RAPGEF4: variants seen among roughly 807,000 people sequenced by gnomAD.
The protein encoded by RAPGEF4 is Rap guanine nucleotide exchange factor 4.
RAPGEF4 carries 66 observed loss-of-function variants against 147.9 expected under a neutral mutation model. The observed-to-expected ratio is 0.45, with a 90% CI of 0.37 to 0.55. The LOEUF is 0.55. RAPGEF4 is among the 20% of genes least tolerant of loss of function. The pLI is 0.00. For synonymous variants in RAPGEF4, 419 were observed against 442.7 expected, an observed-to-expected ratio of 0.95 and a Z score of 0.67; for missense variants, 1,071 against 1,257.3, an observed-to-expected ratio of 0.85 and a Z score of 2.24.
At chr2:172,971,988 G>A (rs1326820506) in intron 10 of RAPGEF4, among the ~76,000 whole-genome samples, 2 of 150,324 alleles carry the variant, frequency 1.3e-5, no homozygotes, top group Non-Finnish European at 1.5e-5. Context: ...ATATGGAAAC[G>A]TGAGATATAT....
intron 6 of RAPGEF4, among the ~76,000 whole-genome samples, chr2:172,957,051 G>A (rs1688818024): frequency 6.6e-6 from 1 of 152,188 alleles, no homozygotes; most frequent in Non-Finnish European, 1.5e-5. Context: ...TAGACCTGGA[G>A]TCTACTCTAA....
chr2:173,020,761 C>T, intron 23 of RAPGEF4, 46 bp downstream of exon 23: 1 of 1,490,000 alleles, frequency 6.7e-7, no homozygotes, highest in Non-Finnish European at 9.2e-7. Flanking sequence ...ATCAGAAAAA[C>T]TTGTCTGGAG....
In RAPGEF4 at chr2:172,998,704, C is replaced by T. The variant is rs1022160739; in HGVS notation, c.1579+2150C>T. 7.2e-5 allele frequency among the ~76,000 whole-genome samples: 11 copies of T among 152,322 alleles called. No individual in the cohort carries two copies. The East Asian group carries it at 1.3e-3, about 19-fold the overall frequency. On this transcript the variant is annotated intron_variant, in intron 16 of 30. Transcript: ENST00000397081. The stretch of plus-strand genomic sequence containing the variant: ...AGAACCGGTTATGTGAGGATAGCTA[C>T]CAAGAGCCATATGTAACCTCAAATA...
At chr2:172,946,443 G>T (rs901381802) in intron 6 of RAPGEF4, among the ~76,000 whole-genome samples, 1 of 152,148 alleles carries the variant, frequency 6.6e-6, no homozygotes, top group Non-Finnish European at 1.5e-5. Context: ...CTGATTCTCT[G>T]TATCTATTCT....
chr2:172,932,593 A>G (rs900807935), intron 6 of RAPGEF4, among the ~76,000 whole-genome samples: 2 of 152,200 alleles, frequency 1.3e-5, no homozygotes, highest in African/African-American at 4.8e-5. Flanking sequence ...AATTTATTCT[A>G]CTGTAACATA....
chr2:172,799,126 C>A (rs1394695597), intron 3 of RAPGEF4, among the ~76,000 whole-genome samples: 1 of 152,132 alleles, frequency 6.6e-6, no homozygotes, highest in East Asian at 1.9e-4. Context: ...CCTATATAAT[C>A]AAGATATTTA....
chr2:172,789,051 C>T (rs932081952), intron 1 of RAPGEF4, among the ~76,000 whole-genome samples: 4 of 152,212 alleles, frequency 2.6e-5, no homozygotes, highest in African/African-American at 9.6e-5. Flanking sequence ...CAGTCAGTAA[C>T]TGCCCACATT....
intron 3 of RAPGEF4, among the ~76,000 whole-genome samples, chr2:172,800,116 T>C (rs549170100): frequency 6.6e-6 from 1 of 152,192 alleles, no homozygotes; most frequent in South Asian, 2.1e-4. Context: ...CTTTTAGTTG[T>C]TAGGAATGAG....
chr2:172,745,225 T>C (rs948996328), intron 1 of RAPGEF4, among the ~76,000 whole-genome samples: 29 of 152,140 alleles, frequency 1.9e-4, no homozygotes, highest in Non-Finnish European at 2.8e-4. Context: ...GCCAGGAGTT[T>C]TCTATATGAA....
intron 4 of RAPGEF4, among the ~76,000 whole-genome samples, chr2:172,852,140 C>T (rs1575040633): frequency 1.3e-5 from 2 of 152,108 alleles, no homozygotes; most frequent in Non-Finnish European, 1.5e-5. Context: ...TATATGAAAG[C>T]AGTAACTCTG....
chr2:172,775,590 G>C (rs961598184), intron 1 of RAPGEF4, among the ~76,000 whole-genome samples: 1 of 152,084 alleles, frequency 6.6e-6, no homozygotes, highest in Non-Finnish European at 1.5e-5. Flanking sequence ...CACACTGAAG[G>C]GTGTACCGGA....
chr2:172,852,757 A>G (rs1212238851), intron 4 of RAPGEF4, among the ~76,000 whole-genome samples: 2 of 152,156 alleles, frequency 1.3e-5, no homozygotes, highest in African/African-American at 4.8e-5. Flanking sequence ...ATTAAATATT[A>G]TTTTTAACTG....
At chr2:172,787,412 CT>C (rs2149525563) in intron 1 of RAPGEF4, among the ~76,000 whole-genome samples, 1 of 152,006 alleles carries the variant, frequency 6.6e-6, no homozygotes, top group Admixed American at 6.5e-5. Context: ...GTCTAACTTG[CT>C]GTCAGAAAGT....
intron 5 of RAPGEF4, among the ~76,000 whole-genome samples, chr2:172,921,195 G>A (rs1684720171): frequency 6.6e-6 from 1 of 151,516 alleles, no homozygotes; most frequent in Non-Finnish European, 1.5e-5. Context: ...GCTCACTATA[G>A]CCTTAACCAA....
intron 4 of RAPGEF4, among the ~76,000 whole-genome samples, chr2:172,913,355 C>T (rs1683666041): frequency 6.6e-6 from 1 of 152,360 alleles, no homozygotes; most frequent in African/African-American, 2.4e-5. Flanking sequence ...CCATGCCAAA[C>T]TTAACAGCAT....
chr2:173,050,574 G>T (rs1329457810), intron 30 of RAPGEF4, among the ~76,000 whole-genome samples: 3 of 152,128 alleles, frequency 2.0e-5, no homozygotes, highest in Non-Finnish European at 4.4e-5. Context: ...CCAGGGTCTG[G>T]CTCTGCCACT....
chr2:172,953,003 G>T (rs1688360894), intron 6 of RAPGEF4, among the ~76,000 whole-genome samples: 1 of 152,052 alleles, frequency 6.6e-6, no homozygotes, highest in Non-Finnish European at 1.5e-5. Context: ...GTTGACAGGG[G>T]GGGTCCAGGC....
intron 10 of RAPGEF4, among the ~76,000 whole-genome samples, chr2:172,981,861 A>T (rs1691713537): frequency 6.6e-6 from 1 of 152,252 alleles, no homozygotes. Context: ...CTTATCTAAT[A>T]ATCAGCTAAG....
intron 1 of RAPGEF4, among the ~76,000 whole-genome samples, chr2:172,790,492 G>C (rs1208740426): frequency 6.6e-6 from 1 of 152,086 alleles, no homozygotes; most frequent in Non-Finnish European, 1.5e-5. Context: ...GTTATGAAGG[G>C]AGAAGAAAGG....
Sources: gnomAD v4.1 joint callset for allele counts (sites outside exome capture counted in the v4.1 genomes callset) on GRCh38, gnomAD v4.1.1 for gene constraint, MANE v1.5 for transcripts, NCBI Gene and HGNC (gene_info 2026-07-23, HGNC 2026-07-21) for gene names.